Variants in EMP2 observed in about 807,000 individuals in gnomAD.
EMP2 encodes the protein epithelial membrane protein 2.
Under a neutral mutation model 13.7 loss-of-function variants are expected in EMP2, and 19 were observed. The observed-to-expected ratio is 1.38, with a 90% CI of 0.97 to 2.03. The LOEUF (loss-of-function observed/expected upper bound fraction) is 2.03. Ranked by LOEUF, EMP2 falls within the 30% of genes most tolerant of loss-of-function variation. EMP2 has a pLI of 0.00. For missense variants in EMP2, 253 were observed against 220.7 expected, an observed-to-expected ratio of 1.15 and a Z score of -0.93; for synonymous variants, 97 against 84.7, an observed-to-expected ratio of 1.15 and a Z score of -0.80.
intron 1 of EMP2, among the ~76,000 whole-genome samples, chr16:10,564,356 T>C (rs1278043672): frequency 6.6e-6 from 1 of 151,952 alleles, no homozygotes; most frequent in Non-Finnish European, 1.5e-5. Flanking sequence ...CTGGGTGTGG[T>C]GGCAGGCACC....
rs144165713 is a variant in EMP2, at chr16:10,563,902, G to A, written c.-60-16225C>T. Among the ~76,000 whole-genome samples the A allele has an allele frequency of 3.9e-3, 598 of 152,322 alleles. 2 individuals carry two copies. Among genetic ancestry groups the A allele is most frequent in the African/African-American group, 0.01 (417 of 41,566 alleles). The stretch of plus-strand genomic sequence containing the variant: ...GAAGTGTTACTGACACAGGGCAGGC[G>A]AGCCCCCAAATTGGGGCTTCACCCA... On this transcript the variant is annotated intron_variant, in intron 1 of 4. Transcript: ENST00000359543.
At position 10,533,025 on chromosome 16, in the gene EMP2, C is replaced by T. The variant is rs139838380; in HGVS notation, c.384G>A (p.Ala128=). ...CTTCTCTGGTCACGGGATAGAATTT[C>T]GCGTTTTTGTCGTGAATGTCTTCAC... ...DRREDIHDKN[A]KFYPVTREGS... is the part of the protein sequence containing the mutation. Residue 128 remains alanine, a synonymous_variant, in exon 5 of 5, where the codon GCG becomes GCA. Transcript: ENST00000359543. 10 of 1,611,124 alleles carry T rather than the reference C, an allele frequency of 6.2e-6. No individual in the cohort carries two copies. Among genetic ancestry groups the T allele is most frequent in the South Asian group, 1.1e-5 (1 of 90,412 alleles).
chr16:10,533,066 T>C lies in EMP2; in HGVS notation c.343A>G (p.Ile115Val), dbSNP rs774740905. The C allele has an allele frequency of 4.4e-6, 7 of 1,597,172 alleles. No homozygotes were observed. In the African/African-American group the frequency reaches 5.4e-5, roughly 12 times the overall value. Residue 115 changes from isoleucine (I) to valine (V), a missense_variant, in exon 5 of 5, where the codon ATT (isoleucine) becomes GTT (valine). Coordinates refer to ENST00000359543, the MANE Select transcript of EMP2 (RefSeq NM_001424.6). ...SCLCVMIAAS[I>V]YTDRREDIHD... ...ATGTCTTCACGCCTGTCTGTATAAA[T>C]GGAGGCCGCAATCATGACACACAGA...
chr16:10,557,741 C>T (rs930603371), intron 1 of EMP2, among the ~76,000 whole-genome samples: 4 of 152,122 alleles, frequency 2.6e-5, no homozygotes, highest in African/African-American at 9.7e-5. Flanking sequence ...ACTCCCCATT[C>T]TGTGAAATAC....
rs1231536056 is a variant in EMP2, at chr16:10,529,309, T to G, written c.*3596A>C. On this transcript the variant is annotated 3_prime_UTR_variant, in exon 5 of 5. Transcript: ENST00000359543. ...TGAATAACTGGTAATAAGCACCAAG[T>G]GAGGGCTGATTCTATCTACAGGTAA... The G allele has an allele frequency of 6.6e-6, 1 of 152,200 alleles. No individual in the cohort carries two copies. The highest frequency in any genetic ancestry group is 1.5e-5 in the Non-Finnish European group (1 of 68,040). The allele number at this position is 152,200 out of a possible 1,614,324, so 9.4% of individuals were successfully genotyped here.
rs1056090147 is a variant in EMP2, at chr16:10,534,490, G to C, written c.317-1398C>G. 5.9e-4 allele frequency among the ~76,000 whole-genome samples: 90 copies of C among 152,258 alleles called. 1 individual carries two copies. The highest frequency in any genetic ancestry group is 2.1e-3 in the African/African-American group (86 of 41,542). ...TTTAGTACTTGTGGTCCTTGGCTGGGTGCGTTGGATCATGCCTGTAATCCC... is the reference window on the plus strand; with the variant it reads ...TTTAGTACTTGTGGTCCTTGGCTGGCTGCGTTGGATCATGCCTGTAATCCC... On this transcript the variant is annotated intron_variant, in intron 4 of 4. Coordinates refer to ENST00000359543, the MANE Select transcript of EMP2 (RefSeq NM_001424.6).
At chr16:10,575,926 G>A (rs2050981403) in intron 1 of EMP2, among the ~76,000 whole-genome samples, 1 of 152,040 alleles carries the variant, frequency 6.6e-6, no homozygotes, top group African/African-American at 2.4e-5. Flanking sequence ...GAAGCTCTCA[G>A]ATATTTCAGG....
chr16:10,566,837 G>A lies in EMP2; in HGVS notation c.-61+13712C>T, dbSNP rs117382065. On this transcript the variant is annotated intron_variant, in intron 1 of 4. Transcript: ENST00000359543. The stretch of plus-strand genomic sequence containing the variant: ...AGAAAGACATGGACCACAAGGTGGC[G>A]GCCCTCACAGAGAGCTAAAAAAAAA... 4.3e-4 allele frequency among the ~76,000 whole-genome samples: 65 copies of A among 152,210 alleles called. No homozygotes were observed. In the East Asian group the frequency reaches 7.1e-3, roughly 17 times the overall value.
intron 1 of EMP2, among the ~76,000 whole-genome samples, chr16:10,567,243 GT>G (rs2050912443): frequency 1.3e-5 from 2 of 152,168 alleles, no homozygotes; most frequent in African/African-American, 4.8e-5. Context: ...ACAGTGCCTG[GT>G]CCACAGCAGA....
chr16:10,547,988 T>G (rs569428040), intron 1 of EMP2, among the ~76,000 whole-genome samples: 41 of 152,180 alleles, frequency 2.7e-4, no homozygotes, highest in South Asian at 6.2e-4. Flanking sequence ...GAGCCATAAT[T>G]GCGCCACTGC....
intron 1 of EMP2, among the ~76,000 whole-genome samples, chr16:10,553,149 G>A (rs2050800615): frequency 6.6e-6 from 1 of 152,184 alleles, no homozygotes; most frequent in Non-Finnish European, 1.5e-5. Flanking sequence ...TCCCCCGAAT[G>A]TTTAAGAGGG....
At chr16:10,554,101 G>A (rs1301550912) in intron 1 of EMP2, among the ~76,000 whole-genome samples, 1 of 149,524 alleles carries the variant, frequency 6.7e-6, no homozygotes, top group Non-Finnish European at 1.5e-5. Context: ...ACGTGATATC[G>A]GCTCACTGCA....
At chr16:10,539,819 G>A (rs571240629) in intron 3 of EMP2, among the ~76,000 whole-genome samples, 175 of 152,254 alleles carry the variant, frequency 1.1e-3, no homozygotes, top group Non-Finnish European at 2.0e-3. Flanking sequence ...TAAAGCCACC[G>A]AGGGAATTCC....
At chr16:10,569,915 G>A (rs2050935530) in intron 1 of EMP2, among the ~76,000 whole-genome samples, 1 of 152,172 alleles carries the variant, frequency 6.6e-6, no homozygotes, top group African/African-American at 2.4e-5. Context: ...AGAGCCAACT[G>A]CAGGAGGGAG....
intron 1 of EMP2, among the ~76,000 whole-genome samples, chr16:10,554,592 A>G (rs2050813661): frequency 6.6e-6 from 1 of 152,232 alleles, no homozygotes; most frequent in Non-Finnish European, 1.5e-5. Flanking sequence ...CACCAAGCCC[A>G]GGGTGGCATC....
At chr16:10,575,237 C>CTTT (rs761837614) in intron 1 of EMP2, among the ~76,000 whole-genome samples, 1,295 of 52,396 alleles carry the variant, frequency 0.025, 345 homozygotes, top group African/African-American at 0.029. Flanking sequence ...AGCTTGCATT[C>CTTT]TTTTTTTTTT....
chr16:10,535,728 T>C (rs879378457), intron 4 of EMP2, among the ~76,000 whole-genome samples: 5 of 152,064 alleles, frequency 3.3e-5, no homozygotes, highest in South Asian at 2.1e-4. Flanking sequence ...CCAAGTTAAA[T>C]GACAGGATTC....
chr16:10,574,998 G>A (rs768386623), intron 1 of EMP2, among the ~76,000 whole-genome samples: 19 of 152,082 alleles, frequency 1.2e-4, no homozygotes, highest in African/African-American at 3.6e-4. Context: ...CAATCCTCCC[G>A]CCTCAGCCTC....
At chr16:10,536,999 C>T (rs1299694151) in intron 4 of EMP2, among the ~76,000 whole-genome samples, 1 of 152,080 alleles carries the variant, frequency 6.6e-6, no homozygotes, top group Non-Finnish European at 1.5e-5. Flanking sequence ...ATCCTGAGGG[C>T]ATGGCAGGTT....
Sources: gnomAD v4.1 joint callset for allele counts (sites outside exome capture counted in the v4.1 genomes callset) on GRCh38, gnomAD v4.1.1 for gene constraint, MANE v1.5 for transcripts, NCBI Gene and HGNC (gene_info 2026-07-23, HGNC 2026-07-21) for gene names.